Variants in ZNF33B observed in about 807,000 individuals in gnomAD.
The protein encoded by ZNF33B is zinc finger protein 33B, also known as zinc finger protein 11b (KOX 2).
A neutral mutation model predicts 45.8 loss-of-function variants in ZNF33B; 29 were observed. The observed-to-expected ratio is 0.63, with a 90% CI of 0.47 to 0.86. The LOEUF (loss-of-function observed/expected upper bound fraction) is 0.86, where lower values mean the gene tolerates loss of function less well. Ranked by LOEUF, ZNF33B falls within the 40% of genes least tolerant of loss-of-function variation. The pLI is 0.00. For missense variants in ZNF33B, 831 were observed against 909.9 expected, an observed-to-expected ratio of 0.91 and a Z score of 1.12; for synonymous variants, 305 against 307.8, an observed-to-expected ratio of 0.99 and a Z score of 0.10.
At chr10:42,623,624 C>CAA (rs2132134857) in intron 4 of ZNF33B, among the ~76,000 whole-genome samples, 1 of 152,240 alleles carries the variant, frequency 6.6e-6, no homozygotes, top group South Asian at 2.1e-4. Context: ...TCACAACATT[C>CAA]AAAACTCACA....
Position 42,605,960 on chromosome 10 carries a change from T to C in ZNF33B, c.251-11261A>G, listed in dbSNP as rs117244252. Reference sequence around the variant, plus strand: ...AAAAATGTGTTTAATTACCCGGGCATAGTGGCACACACCTATAGTCTCAGC... The same window carrying C: ...AAAAATGTGTTTAATTACCCGGGCACAGTGGCACACACCTATAGTCTCAGC... On this transcript the variant is annotated intron_variant, in intron 4 of 4. Coordinates refer to ENST00000359467, the MANE Select transcript of ZNF33B (RefSeq NM_006955.3). 2.1e-3 allele frequency among the ~76,000 whole-genome samples: 317 copies of C among 151,178 alleles called. 9 individuals carry two copies. The East Asian group carries it at 0.053, about 25-fold the overall frequency.
At chr10:42,576,463 C>T (rs1286620888) in intron 1 of ZNF33B, among the ~76,000 whole-genome samples, 1 of 152,180 alleles carries the variant, frequency 6.6e-6, no homozygotes, top group African/African-American at 2.4e-5. Context: ...TGCCTGGCAT[C>T]TCCTGCTCAA....
chr10:42,587,560 C>T (rs115578419), downstream of ZNF33B, among the ~76,000 whole-genome samples: 2,547 of 152,252 alleles, frequency 0.017, 77 homozygotes, highest in African/African-American at 0.058. Context: ...CTCAACATGA[C>T]TTTTGGAGGG....
In ZNF33B at chr10:42,624,335, A is replaced by G. The variant is rs112142133; in HGVS notation, c.250+7594T>C. Among the ~76,000 whole-genome samples the G allele has an allele frequency of 8.9e-3, 1,353 of 152,300 alleles. 16 individuals carry two copies. The highest frequency in any genetic ancestry group is 0.031 in the African/African-American group (1,274 of 41,564). ...AGCATAATCAATGTTGAAGTTTTCT[A>G]TTCTTTTCCATTGTTCTATGTGTAT... is the stretch of plus-strand genomic sequence containing the variant. On this transcript the variant is annotated intron_variant, in intron 4 of 4. Coordinates refer to ENST00000359467, the MANE Select transcript of ZNF33B (RefSeq NM_006955.3).
intron 4 of ZNF33B, among the ~76,000 whole-genome samples, chr10:42,607,169 TG>T (rs1837898008): frequency 6.6e-6 from 1 of 152,174 alleles, no homozygotes; most frequent in African/African-American, 2.4e-5. Context: ...GTAATGTTTC[TG>T]TATTTTACTA....
At chr10:42,576,162 G>A (rs1293462821) in intron 1 of ZNF33B, among the ~76,000 whole-genome samples, 1 of 151,588 alleles carries the variant, frequency 6.6e-6, no homozygotes, top group East Asian at 1.9e-4. Context: ...ATAATTTTTT[G>A]TATTTTAGTA....
At position 42,589,785 on chromosome 10, in the gene ZNF33B, T is replaced by G. The variant is rs1365722424; in HGVS notation, c.*2828A>C. 1.4e-5 allele frequency: 2 copies of G among 145,662 alleles called. No individual in the cohort carries two copies. Among genetic ancestry groups the G allele is most frequent in the East Asian group, 3.9e-4 (2 of 5,158 alleles). 9.0% of individuals were successfully genotyped at this position (145,662 alleles called of 1,614,324 possible). ...TTCCTCCTTCCAAATTTATGTGCATTTTATTTCCTTTTTTTTTGGTATCAC... is the reference window on the plus strand; with the variant it reads ...TTCCTCCTTCCAAATTTATGTGCATGTTATTTCCTTTTTTTTTGGTATCAC... On this transcript the variant is annotated 3_prime_UTR_variant, in exon 5 of 5. Transcript: ENST00000359467.
rs184391569 is a variant in ZNF33B at position 42,593,296 on chromosome 10, G to T, written c.1654C>A (p.Pro552Thr). ...IHQRTHTGEK[P>T]FACPECGKFF... Reference sequence around the variant, plus strand: ...TTCCCACATTCAGGACATGCAAAGGGTTTCTCCCCTGTGTGCGTTCTCTGA... The same window carrying T: ...TTCCCACATTCAGGACATGCAAAGGTTTTCTCCCCTGTGTGCGTTCTCTGA... The change falls in exon 5 of 5, where the codon CCC becomes ACC. Residue 552 changes from proline (P) to threonine (T), a missense_variant. By Grantham distance (38) the Pro-to-Thr change is conservative. Transcript: ENST00000359467. The T allele has an allele frequency of 3.7e-6, 6 of 1,614,024 alleles. No individual in the cohort carries two copies. The Admixed American group carries it at 8.3e-5, about 22-fold the overall frequency.
chr10:42,630,488 ATC>A (rs1332975591), intron 4 of ZNF33B, among the ~76,000 whole-genome samples: 2 of 152,300 alleles, frequency 1.3e-5, no homozygotes, highest in East Asian at 1.9e-4. Flanking sequence ...GCAGTTTTAT[ATC>A]TTTTGCTAAA....
Position 42,638,409 on chromosome 10 carries a change from G to A in ZNF33B, c.-45+65C>T, listed in dbSNP as rs1317556536. 25 of 352,156 alleles carry A rather than the reference G, an allele frequency of 7.1e-5. 1 individual carries two copies. The highest frequency in any genetic ancestry group is 3.3e-4 in the South Asian group (15 of 45,598). The allele number at this position is 352,156 out of a possible 1,614,324, so 21.8% of individuals were successfully genotyped here. On this transcript the variant is annotated intron_variant, in intron 1 of 4. Coordinates refer to ENST00000359467, the MANE Select transcript of ZNF33B (RefSeq NM_006955.3). ...TCGCCACCACCTGGCACTGGCCCCC[G>A]GCTGCCTGCTCCTGGAGTCGCGCGG...
At chr10:42,620,579 T>TA (rs1838529507) in intron 4 of ZNF33B, among the ~76,000 whole-genome samples, 2 of 151,814 alleles carry the variant, frequency 1.3e-5, no homozygotes, top group Admixed American at 6.6e-5. Flanking sequence ...TTTTTTTTTT[T>TA]TAATTTTTTT....
At chr10:42,618,198 CAT>C (rs1838412177) in intron 4 of ZNF33B, among the ~76,000 whole-genome samples, 1 of 152,158 alleles carries the variant, frequency 6.6e-6, no homozygotes, top group Non-Finnish European at 1.5e-5. Context: ...CCAGAACAAA[CAT>C]GTAAATTTTT....
intron 4 of ZNF33B, among the ~76,000 whole-genome samples, chr10:42,628,851 T>G (rs1434671282): frequency 6.6e-6 from 1 of 152,182 alleles, no homozygotes; most frequent in Non-Finnish European, 1.5e-5. Context: ...GGTGAGCACT[T>G]ACAGAGCATG....
rs772791831 is a variant in ZNF33B at position 42,594,078 on chromosome 10, G to T, written c.872C>A (p.Ser291Tyr). The T allele has an allele frequency of 1.9e-6, 3 of 1,614,040 alleles. No individual in the cohort carries two copies. In the South Asian group the frequency reaches 3.3e-5, roughly 18 times the overall value. The change falls in exon 5 of 5, where the codon TCT (serine) becomes TAT (tyrosine). Residue 291 changes from serine (S) to tyrosine (Y), a missense_variant. Ser to Tyr is a moderately radical substitution (Grantham distance 144). Transcript: ENST00000359467. ...TTTCACAGGTACCCCATCATGTTTAGAAAGGGTGGACTTCACACATAAGAA... is the reference window on the plus strand; with the variant it reads ...TTTCACAGGTACCCCATCATGTTTATAAAGGGTGGACTTCACACATAAGAA... ...EKFLCVKSTL[S>Y]KHDGVPVKHY...
At chr10:42,579,784 C>A (rs1021167635) in intron 1 of ZNF33B, 1 of 154,374 alleles carries the variant, frequency 6.5e-6, no homozygotes, top group African/African-American at 2.4e-5. Flanking sequence ...ATTGTTTAAG[C>A]AGAACTCCTA....
chr10:42,606,409 G>C (rs1232761315), intron 4 of ZNF33B, among the ~76,000 whole-genome samples: 1 of 152,130 alleles, frequency 6.6e-6, no homozygotes, highest in Non-Finnish European at 1.5e-5. Flanking sequence ...GGGTTACAGT[G>C]AGCCCAGATC....
chr10:42,606,890 C>T (rs1173767756), intron 4 of ZNF33B, among the ~76,000 whole-genome samples: 1 of 151,678 alleles, frequency 6.6e-6, no homozygotes, highest in African/African-American at 2.4e-5. Flanking sequence ...GTGTTTCTGA[C>T]TTTAGAGTTT....
chr10:42,587,743 G>C (rs1456025154), downstream of ZNF33B, among the ~76,000 whole-genome samples: 9 of 152,226 alleles, frequency 5.9e-5, no homozygotes, highest in Non-Finnish European at 1.2e-4. Context: ...ACTGGCGAGG[G>C]TTTTGTATTG....
At chr10:42,629,981 A>T (rs1159000017) in intron 4 of ZNF33B, among the ~76,000 whole-genome samples, 3 of 152,154 alleles carry the variant, frequency 2.0e-5, no homozygotes, top group Admixed American at 2.0e-4. Context: ...TAATTGTCTT[A>T]AGTGTTTCCC....
Sources: gnomAD v4.1 joint callset for allele counts (sites outside exome capture counted in the v4.1 genomes callset) on GRCh38, gnomAD v4.1.1 for gene constraint, MANE v1.5 for transcripts, NCBI Gene and HGNC (gene_info 2026-07-23, HGNC 2026-07-21) for gene names.